Variants in SH3PXD2B observed in about 807,000 individuals in gnomAD.
The protein encoded by SH3PXD2B is SH3 and PX domain-containing protein 2B.
A neutral mutation model predicts 73.1 loss-of-function variants in SH3PXD2B; 37 were observed. The observed-to-expected ratio is 0.51, with a 90% CI of 0.39 to 0.67. SH3PXD2B has a LOEUF of 0.67. Ranked by LOEUF, SH3PXD2B falls within the 30% of genes least tolerant of loss-of-function variation. The probability of loss-of-function intolerance (pLI) is 0.00; values close to 1 mark genes in which losing one functional copy is unlikely to be tolerated. For synonymous variants in SH3PXD2B, 457 were observed against 480.5 expected (o/e 0.95, Z 0.64); for missense variants, 1,053 against 1,197.8 (o/e 0.88, Z 1.78).
At chr5:172,405,988 A>T (rs1758546803) in intron 3 of SH3PXD2B, among the ~76,000 whole-genome samples, 1 of 152,238 alleles carries the variant, frequency 6.6e-6, no homozygotes, top group Non-Finnish European at 1.5e-5. Context: ...GTACTCAGTC[A>T]TTAACCCACT....
At chr5:172,406,607 T>C (rs774213305) in intron 2 of SH3PXD2B, among the ~76,000 whole-genome samples, 6 of 152,148 alleles carry the variant, frequency 3.9e-5, no homozygotes, top group Non-Finnish European at 7.3e-5. Flanking sequence ...CCGGCTTTCC[T>C]GGGGTTCTCC....
intron 3 of SH3PXD2B, among the ~76,000 whole-genome samples, chr5:172,395,135 G>A (rs1182233932): frequency 6.6e-6 from 1 of 151,970 alleles, no homozygotes; most frequent in East Asian, 1.9e-4. Context: ...CCTCTGCCTG[G>A]ACACCTCCCC....
In SH3PXD2B at chr5:172,412,638, G is replaced by A. The variant is rs555866632; in HGVS notation, c.157-6286C>T. On this transcript the variant is annotated intron_variant, in intron 2 of 12. Transcript: ENST00000311601. Reference sequence around the variant, plus strand: ...TGCCGAGCTGGTCTTGGTGTGTCCAGGTTTACGGCCACCAATTGCATCTAT... The same window carrying A: ...TGCCGAGCTGGTCTTGGTGTGTCCAAGTTTACGGCCACCAATTGCATCTAT... Among the ~76,000 whole-genome samples, 4 of 152,282 alleles carry A rather than the reference G, an allele frequency of 2.6e-5. No individual in the cohort carries two copies. The South Asian group carries it at 8.3e-4, about 32-fold the overall frequency.
At chr5:172,430,328 G>C (rs1023409105) in intron 1 of SH3PXD2B, among the ~76,000 whole-genome samples, 1 of 152,196 alleles carries the variant, frequency 6.6e-6, no homozygotes, top group African/African-American at 2.4e-5. Flanking sequence ...CTCTCCACCT[G>C]TCCTTTCTGT....
chr5:172,346,299 G>C, intron 11 of SH3PXD2B, 38 bp from the exon 12 acceptor site: 1 of 1,612,546 alleles, frequency 6.2e-7, no homozygotes, highest in South Asian at 1.1e-5. Context: ...CCAAGGCTAA[G>C]TGCACTCCTG....
At chr5:172,422,183 C>T (rs1758980302) in intron 2 of SH3PXD2B, among the ~76,000 whole-genome samples, 3 of 152,056 alleles carry the variant, frequency 2.0e-5, no homozygotes, top group African/African-American at 7.2e-5. Flanking sequence ...TTCGTAGAGA[C>T]GGGGTTTCAC....
Position 172,350,868 on chromosome 5 carries a change from ATC to A in SH3PXD2B, c.786-281_786-280del, listed in dbSNP as rs534695657. The stretch of plus-strand genomic sequence containing the variant: ...AGCAGGGCACCAGCCTGGGCTCTGA[ATC>A]TCTGTGCTTTGCTGCCTCTTCCCAG... On this transcript the variant is annotated intron_variant, in intron 9 of 12. Coordinates refer to ENST00000311601, the MANE Select transcript of SH3PXD2B (RefSeq NM_001017995.3). Among the ~76,000 whole-genome samples, 41 of 152,280 alleles carry A rather than the reference ATC, an allele frequency of 2.7e-4. No individual in the cohort carries two copies. The East Asian group carries it at 7.5e-3, about 28-fold the overall frequency.
chr5:172,346,899 G>A (rs573137018), intron 11 of SH3PXD2B, among the ~76,000 whole-genome samples: 2 of 152,286 alleles, frequency 1.3e-5, no homozygotes, highest in South Asian at 2.1e-4. Flanking sequence ...AAGGTACCTA[G>A]AGAATTTTAC....
At chr5:172,395,256 G>T (rs1309909308) in intron 3 of SH3PXD2B, among the ~76,000 whole-genome samples, 1 of 152,176 alleles carries the variant, frequency 6.6e-6, no homozygotes, top group African/African-American at 2.4e-5. Flanking sequence ...CATGTGCTCT[G>T]CACCAATAGG....
chr5:172,378,635 G>T (rs1473431885), intron 5 of SH3PXD2B, among the ~76,000 whole-genome samples: 1 of 152,194 alleles, frequency 6.6e-6, no homozygotes, highest in East Asian at 1.9e-4. Context: ...GGTCTGTAGA[G>T]CAGTTCCAAG....
chr5:172,392,121 C>T (rs1186848806), intron 4 of SH3PXD2B, among the ~76,000 whole-genome samples: 1 of 151,040 alleles, frequency 6.6e-6, no homozygotes, highest in Non-Finnish European at 1.5e-5. Flanking sequence ...ATATTAAAGA[C>T]CTAACCCCCA....
At chr5:172,449,080 T>C (rs2731693) in intron 1 of SH3PXD2B, among the ~76,000 whole-genome samples, 67,906 of 152,114 alleles carry the variant, frequency 0.45, 18,429 homozygotes, top group African/African-American at 0.77. Context: ...CCTAGGCTTC[T>C]GGAGCCTGGC....
chr5:172,422,929 T>C (rs1422984448), intron 1 of SH3PXD2B, among the ~76,000 whole-genome samples: 2 of 152,124 alleles, frequency 1.3e-5, no homozygotes, highest in East Asian at 1.9e-4. Context: ...CATCATGCTG[T>C]CTCCACCGAC....
intron 4 of SH3PXD2B, among the ~76,000 whole-genome samples, chr5:172,385,030 A>T (rs931629881): frequency 1.3e-5 from 2 of 152,184 alleles, no homozygotes; most frequent in African/African-American, 4.8e-5. Flanking sequence ...AGGGAGTCCC[A>T]GAGACAGGAG....
chr5:172,404,144 A>C (rs1441445261), intron 3 of SH3PXD2B, among the ~76,000 whole-genome samples: 1 of 152,150 alleles, frequency 6.6e-6, no homozygotes, highest in Non-Finnish European at 1.5e-5. Flanking sequence ...CCAGTGGAGG[A>C]GGCCTGGCAA....
At chr5:172,441,867 CAT>C (rs1329914642) in intron 1 of SH3PXD2B, among the ~76,000 whole-genome samples, 1 of 152,032 alleles carries the variant, frequency 6.6e-6, no homozygotes, top group African/African-American at 2.4e-5. Flanking sequence ...CATGAAATCA[CAT>C]GTGGTTTCTG....
intron 8 of SH3PXD2B, among the ~76,000 whole-genome samples, 196 bp downstream of exon 8, chr5:172,358,577 A>G (rs1407074722): frequency 6.6e-6 from 1 of 152,166 alleles, no homozygotes; most frequent in Non-Finnish European, 1.5e-5. Context: ...AAAGGCCCCT[A>G]AGAGAGGGCG....
chr5:172,454,373 C>G lies in SH3PXD2B; in HGVS notation c.-21G>C. The G allele has an allele frequency of 7.0e-7, 1 of 1,435,570 alleles. No individual in the cohort carries two copies. The highest frequency in any genetic ancestry group is 1.5e-5 in the South Asian group (1 of 67,868). 88.9% of individuals were successfully genotyped at this position (1,435,570 alleles called of 1,614,324 possible). A position where few individuals can be genotyped will look rare whatever the true frequency, so the allele number is the denominator to read the frequency against. On this transcript the variant is annotated 5_prime_UTR_variant, in exon 1 of 13. Coordinates refer to ENST00000311601, the MANE Select transcript of SH3PXD2B (RefSeq NM_001017995.3). ...GGCATGGCCGCTCCTCCGCCCGCAGCGGGCCGAGCGCGGGTGCGGGTGGCG... is the reference window on the plus strand; with the variant it reads ...GGCATGGCCGCTCCTCCGCCCGCAGGGGGCCGAGCGCGGGTGCGGGTGGCG...
chr5:172,340,303 C>T (rs528508813), intron 12 of SH3PXD2B, among the ~76,000 whole-genome samples: 1 of 152,326 alleles, frequency 6.6e-6, no homozygotes, highest in South Asian at 2.1e-4. Context: ...CTCTGAGAGA[C>T]CACAAAGACA....
Sources: gnomAD v4.1 joint callset for allele counts (sites outside exome capture counted in the v4.1 genomes callset) on GRCh38, gnomAD v4.1.1 for gene constraint, MANE v1.5 for transcripts, NCBI Gene and HGNC (gene_info 2026-07-23, HGNC 2026-07-21) for gene names.